Variants in PPP4R2 observed in about 807,000 individuals in gnomAD.
PPP4R2 encodes protein phosphatase 4 regulatory subunit 2.
In PPP4R2, 13 loss-of-function variants were observed where a neutral mutation model predicts 47.2. The ratio of observed to expected loss-of-function variants is 0.28; its 90% confidence interval spans 0.18 to 0.44. The LOEUF (loss-of-function observed/expected upper bound fraction) is 0.44, where lower values mean the gene tolerates loss of function less well. PPP4R2 is among the 20% of genes least tolerant of loss of function. PPP4R2 has a pLI of 1.00. For missense variants in PPP4R2, 421 were observed against 491.2 expected (o/e 0.86, Z 1.35); for synonymous variants, 151 against 163.3 (o/e 0.92, Z 0.57).
intron 6 of PPP4R2, 96 bp downstream of exon 6, chr3:73,063,843 A>G: frequency 1.8e-6 from 2 of 1,119,346 alleles, no homozygotes; most frequent in Non-Finnish European, 2.7e-6. Flanking sequence ...CATTTTATGG[A>G]CACCATAGGA....
chr3:72,997,908 A>G (rs908335207), intron 1 of PPP4R2, among the ~76,000 whole-genome samples, 169 bp from the exon 2 acceptor site: 3 of 152,302 alleles, frequency 2.0e-5, no homozygotes, highest in African/African-American at 7.2e-5. Flanking sequence ...AGAGGGTGAC[A>G]TGTTGGAAGT....
At chr3:73,003,217 GT>G (rs11296236) in intron 2 of PPP4R2, among the ~76,000 whole-genome samples, 62,495 of 140,642 alleles carry the variant, frequency 0.44, 13,184 homozygotes, top group South Asian at 0.55. Context: ...TTTCCCTTTT[GT>G]TTTTTTTTTT....
At chr3:73,023,367 G>A (rs1468747004) in intron 2 of PPP4R2, among the ~76,000 whole-genome samples, 1 of 152,014 alleles carries the variant, frequency 6.6e-6, no homozygotes, top group East Asian at 1.9e-4. Context: ...TGTATTTTTA[G>A]TAGAGACAGG....
chr3:73,004,237 C>T (rs1214039824), intron 2 of PPP4R2, among the ~76,000 whole-genome samples: 9 of 150,248 alleles, frequency 6.0e-5, no homozygotes, highest in East Asian at 2.0e-4. Flanking sequence ...CATGGGGTCT[C>T]GCTATATTGC....
intron 2 of PPP4R2, among the ~76,000 whole-genome samples, chr3:73,038,381 T>C (rs759292498): frequency 1.3e-5 from 2 of 152,038 alleles, no homozygotes; most frequent in Non-Finnish European, 1.5e-5. Flanking sequence ...TTTTTGTTTT[T>C]TCTTTTTTTT....
rs1384091437 is a variant in PPP4R2 at position 72,998,108 on chromosome 3, T to C, written c.66T>C (p.Cys22=). ...AGAAGAGGGGGAAAAAGGAAGTTTG[T>C]CCTGTCCTGGATCAGTTTCTTTGTC... ...DFEKRGKKEV[C]PVLDQFLCHV... is the part of the protein sequence containing the mutation. The change falls in exon 2 of 9, where the codon TGT becomes TGC. Residue 22 remains cysteine, a synonymous_variant. Transcript: ENST00000356692. The C allele has an allele frequency of 6.2e-7, 1 of 1,606,778 alleles. No individual in the cohort carries two copies. The highest frequency in any genetic ancestry group is 2.2e-5 in the East Asian group (1 of 44,820).
chr3:73,065,831 T>A lies in PPP4R2; in HGVS notation c.*109T>A, dbSNP rs1702983658. The A allele has an allele frequency of 1.4e-6, 1 of 725,216 alleles. No homozygotes were observed. The highest frequency in any genetic ancestry group is 2.2e-6 in the Non-Finnish European group (1 of 451,540). The allele number at this position is 725,216 out of a possible 1,614,324, so 44.9% of individuals were successfully genotyped here. A position where few individuals can be genotyped will look rare whatever the true frequency, so the allele number is the denominator to read the frequency against. ...CTTTAGTTTTACAAGAGAAGCAGGT[T>A]GTAAAATAAAGTACTTTATGGATAA... On this transcript the variant is annotated 3_prime_UTR_variant, in exon 9 of 9. Transcript: ENST00000356692.
intron 2 of PPP4R2, among the ~76,000 whole-genome samples, chr3:73,036,825 A>C (rs1301503143): frequency 6.6e-6 from 1 of 152,262 alleles, no homozygotes; most frequent in East Asian, 1.9e-4. Context: ...TGTATATAAA[A>C]TTACACAAAA....
chr3:73,010,755 G>A (rs1701707358), intron 2 of PPP4R2, among the ~76,000 whole-genome samples: 1 of 152,048 alleles, frequency 6.6e-6, no homozygotes, highest in African/African-American at 2.4e-5. Context: ...GGCCAGGCTG[G>A]CCTTCAACTC....
At chr3:73,012,826 C>T (rs1490586155) in intron 2 of PPP4R2, among the ~76,000 whole-genome samples, 1 of 151,398 alleles carries the variant, frequency 6.6e-6, no homozygotes, top group Non-Finnish European at 1.5e-5. Context: ...GAGACTGGTC[C>T]ACCTTTTCTA....
chr3:73,013,592 A>G (rs940221640), intron 2 of PPP4R2, among the ~76,000 whole-genome samples: 3 of 152,172 alleles, frequency 2.0e-5, no homozygotes, highest in Non-Finnish European at 2.9e-5. Context: ...AAATGCCATG[A>G]AACTTCAGTT....
intron 2 of PPP4R2, among the ~76,000 whole-genome samples, chr3:73,026,003 T>G (rs890400699): frequency 6.6e-6 from 1 of 152,208 alleles, no homozygotes; most frequent in Non-Finnish European, 1.5e-5. Context: ...CCTGGGTTTT[T>G]ATAGGTTTCC....
intron 3 of PPP4R2, among the ~76,000 whole-genome samples, chr3:73,055,417 C>CGTGCGT (rs1702711551): frequency 7.3e-6 from 1 of 137,344 alleles, no homozygotes; most frequent in Admixed American, 7.4e-5. Context: ...AGTGGGGTAG[C>CGTGCGT]GTGTGTGTGT....
chr3:72,998,017 GT>G (rs1164913464), intron 1 of PPP4R2, 59 bp from the exon 2 acceptor site: 2 of 1,201,812 alleles, frequency 1.7e-6, no homozygotes, highest in African/African-American at 3.1e-5. Context: ...TAGGAGGAAA[GT>G]TTGTTTTTAG....
intron 2 of PPP4R2, among the ~76,000 whole-genome samples, chr3:73,038,104 G>C (rs960245522): frequency 1.3e-5 from 2 of 152,150 alleles, no homozygotes; most frequent in African/African-American, 4.8e-5. Context: ...TTTGATGGCA[G>C]ATTGGAATTG....
At chr3:73,010,595 G>C (rs1330382675) in intron 2 of PPP4R2, among the ~76,000 whole-genome samples, 1 of 150,442 alleles carries the variant, frequency 6.6e-6, no homozygotes, top group Non-Finnish European at 1.5e-5. Context: ...GTCTCACTCT[G>C]TCTCCCAGGC....
At chr3:73,001,584 A>G (rs1218417862) in intron 2 of PPP4R2, among the ~76,000 whole-genome samples, 2 of 152,090 alleles carry the variant, frequency 1.3e-5, no homozygotes, top group Non-Finnish European at 2.9e-5. Context: ...AAACACACAC[A>G]TGCACACTTG....
chr3:73,034,435 C>T (rs529462050), intron 2 of PPP4R2, among the ~76,000 whole-genome samples: 3 of 152,216 alleles, frequency 2.0e-5, no homozygotes, highest in Non-Finnish European at 4.4e-5. Context: ...ACATATTTTC[C>T]TCCAATTTCT....
chr3:73,040,674 G>C (rs945597734), intron 2 of PPP4R2, among the ~76,000 whole-genome samples: 1 of 151,852 alleles, frequency 6.6e-6, no homozygotes, highest in African/African-American at 2.4e-5. Context: ...CACCATGCCT[G>C]GCTAATTTTT....
Sources: allele counts gnomAD v4.1 joint callset (sites outside exome capture counted in the v4.1 genomes callset), GRCh38; gene constraint gnomAD v4.1.1; transcripts MANE v1.5; gene names NCBI Gene and HGNC (gene_info 2026-07-23, HGNC 2026-07-21).